The following DACH2 variants were observed in gnomAD, a reference collection of about 807,000 sequenced individuals.
The protein encoded by DACH2 is dachshund family transcription factor 2.
A neutral mutation model predicts 35.8 loss-of-function variants in DACH2; 17 were observed. That is an observed-to-expected ratio of 0.48 (90% CI 0.33 to 0.71). DACH2 has a LOEUF of 0.71. Among genes scored for constraint, DACH2 ranks in the 30% least tolerant of loss-of-function variants. The pLI is 0.02. For synonymous variants in DACH2, 195 were observed against 177.3 expected (o/e 1.10, Z -0.79); for missense variants, 469 against 472.7 (o/e 0.99, Z 0.07).
At chrX:86,713,953 AC>A (rs1206078371) in intron 5 of DACH2, among the ~76,000 whole-genome samples, 1 of 111,970 alleles carries the variant, frequency 8.9e-6, no homozygotes, top group African/African-American at 3.2e-5. Context: ...ACTAGAAAAT[AC>A]GTTGATATTT....
chrX:86,295,624 A>G (rs756247950), intron 1 of DACH2, among the ~76,000 whole-genome samples: 1 of 111,161 alleles, frequency 9.0e-6, no homozygotes, highest in South Asian at 3.9e-4. Flanking sequence ...CCCTCTGACT[A>G]GGGCTGGTTT....
chrX:86,445,566 CA>C (rs34980646), intron 2 of DACH2, among the ~76,000 whole-genome samples: 25 of 48,086 alleles, frequency 5.2e-4, no homozygotes, highest in Middle Eastern at 0.017. Flanking sequence ...TCAGAGTGAA[CA>C]AAAAAAAAAA....
At chrX:86,766,810 C>A (rs771565481) in intron 7 of DACH2, among the ~76,000 whole-genome samples, 1 of 111,074 alleles carries the variant, frequency 9.0e-6, no homozygotes, top group African/African-American at 3.3e-5. Flanking sequence ...TAGTTTTTCC[C>A]GCCAACAAGA....
chrX:86,653,050 T>A (rs774659953), intron 4 of DACH2, among the ~76,000 whole-genome samples: 1 of 112,031 alleles, frequency 8.9e-6, no homozygotes, highest in African/African-American at 3.3e-5. Context: ...TCTCCAAAGG[T>A]TTTTACAATT....
At chrX:86,615,979 A>C (rs914767255) in intron 3 of DACH2, among the ~76,000 whole-genome samples, 1 of 110,634 alleles carries the variant, frequency 9.0e-6, no homozygotes, top group African/African-American at 3.3e-5. Context: ...CATTGTGTCC[A>C]TGAGTTCTCA....
At chrX:86,419,373 G>T (rs941845545) in intron 2 of DACH2, among the ~76,000 whole-genome samples, 4 of 112,141 alleles carry the variant, frequency 3.6e-5, no homozygotes, top group Non-Finnish European at 5.6e-5. Context: ...CCACATGCCT[G>T]GGAGACCTCA....
At chrX:86,555,650 C>A (rs1371626438) in intron 3 of DACH2, among the ~76,000 whole-genome samples, 1 of 111,441 alleles carries the variant, frequency 9.0e-6, no homozygotes, top group Non-Finnish European at 1.9e-5. Flanking sequence ...TGGGTATCGG[C>A]ACGTTATGTC....
rs776424104 is a variant in DACH2 at position 86,293,286 on chromosome X, C to A, written c.489-83538C>A. Among the ~76,000 whole-genome samples, 5 of 110,019 alleles carry A rather than the reference C, an allele frequency of 4.5e-5. No individual in the cohort carries two copies. In the South Asian group the frequency reaches 2.0e-3, roughly 43 times the overall value. On this transcript the variant is annotated intron_variant, in intron 1 of 11. Coordinates refer to ENST00000373125, the MANE Select transcript of DACH2 (RefSeq NM_053281.3). ...TTTGTTTTCCATTTGCTTGGTAGAT[C>A]CTCCTCCATCCTTTTATTTTGAGCC...
chrX:86,622,723 C>A (rs2040082718), intron 3 of DACH2, among the ~76,000 whole-genome samples: 2 of 111,620 alleles, frequency 1.8e-5, no homozygotes, highest in African/African-American at 6.5e-5. Flanking sequence ...GAAAATATTT[C>A]TTTTAACCTA....
At chrX:86,641,630 T>A (rs1234495872) in intron 3 of DACH2, among the ~76,000 whole-genome samples, 2 of 111,320 alleles carry the variant, frequency 1.8e-5, no homozygotes, top group African/African-American at 3.3e-5. Context: ...TACAAGAAGA[T>A]ACTCCCCAAG....
intron 3 of DACH2, among the ~76,000 whole-genome samples, chrX:86,556,765 T>TAC (rs2039127219): frequency 1.1e-4 from 1 of 9,191 alleles, no homozygotes; most frequent in Non-Finnish European, 2.0e-4. Context: ...TGTATATATA[T>TAC]ATATATATAT....
At chrX:86,547,456 T>C (rs1235712969) in intron 3 of DACH2, among the ~76,000 whole-genome samples, 1 of 100,159 alleles carries the variant, frequency 1.0e-5, no homozygotes, top group Non-Finnish European at 2.0e-5. Flanking sequence ...ATTGGATTTG[T>C]TATCTTGCAT....
intron 3 of DACH2, among the ~76,000 whole-genome samples, chrX:86,542,245 C>A (rs1292647177): frequency 9.0e-6 from 1 of 111,314 alleles, no homozygotes; most frequent in Non-Finnish European, 1.9e-5. Context: ...CACCATAACT[C>A]ATGTTAAAAT....
intron 3 of DACH2, among the ~76,000 whole-genome samples, chrX:86,577,775 A>C (rs898238207): frequency 4.5e-5 from 5 of 111,161 alleles, no homozygotes; most frequent in African/African-American, 1.6e-4. Flanking sequence ...CCAATGGTTT[A>C]ATCAATCATG....
At chrX:86,210,497 T>C (rs926944835) in intron 1 of DACH2, among the ~76,000 whole-genome samples, 1 of 111,768 alleles carries the variant, frequency 8.9e-6, no homozygotes, top group African/African-American at 3.2e-5. Context: ...AGTAGTAACT[T>C]TATTGTTGTT....
chrX:86,528,103 A>G (rs770258014), intron 3 of DACH2, among the ~76,000 whole-genome samples: 28 of 111,672 alleles, frequency 2.5e-4, no homozygotes, highest in African/African-American at 8.4e-4. Flanking sequence ...CTACAGCGTC[A>G]TGGACCTTGA....
At chrX:86,264,286 G>A (rs1315585183) in intron 1 of DACH2, among the ~76,000 whole-genome samples, 1 of 111,432 alleles carries the variant, frequency 9.0e-6, no homozygotes, top group East Asian at 2.8e-4. Flanking sequence ...AGTTTGACAG[G>A]ATATTTTTTA....
intron 11 of DACH2, among the ~76,000 whole-genome samples, chrX:86,825,674 C>A (rs1387225345): frequency 9.0e-6 from 1 of 111,557 alleles, no homozygotes; most frequent in Non-Finnish European, 1.9e-5. Context: ...TCTTCTCTCC[C>A]TTTCTCTCTC....
At chrX:86,737,847 T>C (rs1482981167) in intron 6 of DACH2, among the ~76,000 whole-genome samples, 10 of 112,104 alleles carry the variant, frequency 8.9e-5, no homozygotes, top group Admixed American at 4.7e-4. Context: ...AGGATACTAA[T>C]GATCCTGTCA....
Sources: gnomAD v4.1 joint callset for allele counts (sites outside exome capture counted in the v4.1 genomes callset) on GRCh38, gnomAD v4.1.1 for gene constraint, MANE v1.5 for transcripts, NCBI Gene and HGNC (gene_info 2026-07-23, HGNC 2026-07-21) for gene names.